The following CLN6 variants were observed in gnomAD, a reference collection of about 807,000 sequenced individuals.
The protein encoded by CLN6 is CLN6 transmembrane ER protein.
Under a neutral mutation model 33.3 loss-of-function variants are expected in CLN6, and 22 were observed. The observed-to-expected ratio is 0.66, with a 90% CI of 0.47 to 0.94. The LOEUF is 0.94. Among genes scored for constraint, CLN6 ranks in the 40% least tolerant of loss-of-function variants. The probability of loss-of-function intolerance (pLI) is 0.00; values close to 1 mark genes in which losing one functional copy is unlikely to be tolerated. For synonymous variants in CLN6, 201 were observed against 174.6 expected (o/e 1.15, Z -1.19); for missense variants, 387 against 417.1 (o/e 0.93, Z 0.63).
intron 1 of CLN6, among the ~76,000 whole-genome samples, chr15:68,252,042 C>T (rs1180287035): frequency 2.1e-5 from 3 of 142,264 alleles, no homozygotes; most frequent in South Asian, 2.2e-4. Flanking sequence ...GGCGTGATCT[C>T]GGCTCACCGC....
At chr15:68,255,956 G>C (rs1325312269) in intron 1 of CLN6, among the ~76,000 whole-genome samples, 1 of 151,846 alleles carries the variant, frequency 6.6e-6, no homozygotes, top group Non-Finnish European at 1.5e-5. Flanking sequence ...ACCATGCCTG[G>C]CTAATTAATT....
At position 68,241,689 on chromosome 15, in the gene CLN6, G is replaced by C. The variant is rs1892281466; in HGVS notation, c.179+15001C>G. On this transcript the variant is annotated intron_variant, in intron 1 of 6. Coordinates refer to the CLN6 transcript ENST00000538696. This position sits in a 1 kb window ranked among gnomAD's most constrained non-coding sequence, Gnocchi z 4.2. ...CTCGGCCAAAGAAGACACCAAATCAGAGTGGCTGTTAGCAGCACCACACTG... is the reference window on the plus strand; with the variant it reads ...CTCGGCCAAAGAAGACACCAAATCACAGTGGCTGTTAGCAGCACCACACTG... Among the ~76,000 whole-genome samples, 1 of 152,192 alleles carries C rather than the reference G, an allele frequency of 6.6e-6. No individual in the cohort carries two copies. Among genetic ancestry groups the C allele is most frequent in the African/African-American group, 2.4e-5 (1 of 41,450 alleles).
intron 1 of CLN6, among the ~76,000 whole-genome samples, chr15:68,250,604 G>A (rs887709176): frequency 7.4e-6 from 1 of 135,484 alleles, no homozygotes; most frequent in African/African-American, 2.8e-5. Flanking sequence ...CAGCCTGGGC[G>A]ACAGAGCGAG....
rs373287843 is a variant in CLN6, at chr15:68,219,560, A to C, written c.84-910T>G. On this transcript the variant is annotated intron_variant, in intron 1 of 6. Transcript: ENST00000249806. The surrounding 1 kb of genome is among the most constrained non-coding windows in gnomAD (Gnocchi z 4.2). ...ACAGATGCACTGAAGTTCCAGGACC[A>C]GTGCTGCCTCCTCTGGGAAGGCTTC... is the stretch of plus-strand genomic sequence containing the variant. Among the ~76,000 whole-genome samples the C allele has an allele frequency of 1.3e-5, 2 of 152,306 alleles. No individual in the cohort carries two copies. The highest frequency in any genetic ancestry group is 4.8e-5 in the African/African-American group (2 of 41,566).
At chr15:68,251,936 C>G in intron 1 of CLN6, among the ~76,000 whole-genome samples, 1 of 140,212 alleles carries the variant, frequency 7.1e-6, no homozygotes, top group South Asian at 2.4e-4. Context: ...CTAGCATGTG[C>G]GTGTGTATGT....
At chr15:68,229,930 C>T (rs2093265459), upstream of CLN6, among the ~76,000 whole-genome samples, 1 of 152,166 alleles carries the variant, frequency 6.6e-6, no homozygotes, top group Admixed American at 6.5e-5. Flanking sequence ...CCTTGCCTGC[C>T]TGGGTACGGG....
At chr15:68,238,931 AACAAATACTGGACAAT>A (rs1428739114) in intron 1 of CLN6, among the ~76,000 whole-genome samples, 3 of 152,208 alleles carry the variant, frequency 2.0e-5, no homozygotes, top group African/African-American at 7.2e-5. Context: ...AAAGGACAGA[AACAAATACTGGACAAT>A]AATATTTATA....
At position 68,208,147 on chromosome 15, in the gene CLN6, C is replaced by A; in HGVS notation, c.929G>T (p.Arg310Leu). The change falls in exon 7 of 7, where the codon CGG becomes CTG. Residue 310 changes from arginine to leucine, a missense_variant. Transcript: ENST00000249806. The surrounding 1 kb of genome is among the most constrained non-coding windows in gnomAD (Gnocchi z 5.8). ...GAGCCTGGTGCCAGGGACTCAGTGC[C>A]GACTGCTGACGTGAAGGGTGTAGAA... ...WAFYTLHVSS[R>L]H is the part of the protein sequence containing the mutation. 6.2e-7 allele frequency: 1 copy of A among 1,605,916 alleles called. No homozygotes were observed. Among genetic ancestry groups the A allele is most frequent in the South Asian group, 1.1e-5 (1 of 90,896 alleles).
At chr15:68,231,610 C>G (rs1454042302), upstream of CLN6, among the ~76,000 whole-genome samples, 10 of 152,386 alleles carry the variant, frequency 6.6e-5, 1 homozygote, top group East Asian at 1.9e-3. Context: ...ATGATGTCAT[C>G]ATCGATTTAA....
chr15:68,209,658 G>A lies in CLN6; in HGVS notation c.644C>T (p.Ala215Val). The change falls in exon 6 of 7, where the codon GCA (alanine) becomes GTA (valine). Residue 215 changes from alanine (A) to valine (V), a missense_variant. Coordinates refer to ENST00000249806, the MANE Select transcript of CLN6 (RefSeq NM_017882.3). The surrounding 1 kb of genome is among the most constrained non-coding windows in gnomAD (Gnocchi z 4.9). Reference sequence around the variant, plus strand: ...TCACCAGTAGTACAGGCCACTGGGTGCCACCAGGAGCAGGGCAGGCCCTGG... The same window carrying A: ...TCACCAGTAGTACAGGCCACTGGGTACCACCAGGAGCAGGGCAGGCCCTGG... ...LIPGPALLLV[A>V]PSGLYYWYLV... The A allele has an allele frequency of 6.2e-7, 1 of 1,613,282 alleles. No homozygotes were observed. The highest frequency in any genetic ancestry group is 8.5e-7 in the Non-Finnish European group (1 of 1,179,940).
At chr15:68,233,718 G>T (rs1196554839), upstream of CLN6, among the ~76,000 whole-genome samples, 1 of 152,198 alleles carries the variant, frequency 6.6e-6, no homozygotes, top group Non-Finnish European at 1.5e-5. This position sits in a 1 kb window ranked among gnomAD's most constrained non-coding sequence, Gnocchi z 4.3. Context: ...AGACGAAGTG[G>T]GACCAGGAAA....
chr15:68,229,467 GC>G, intron 1 of CLN6, 34 bp downstream of exon 1: 2 of 1,437,396 alleles, frequency 1.4e-6, no homozygotes, highest in Non-Finnish European at 1.8e-6. Context: ...GCGCACAGGC[GC>G]CTAGCCCGCC....
At chr15:68,229,470 T>C (rs2141156095) in intron 1 of CLN6, 32 bp downstream of exon 1, 3 of 1,443,976 alleles carry the variant, frequency 2.1e-6, no homozygotes, top group Middle Eastern at 4.9e-4. Flanking sequence ...CACAGGCGCC[T>C]AGCCCGCCCT....
At chr15:68,223,342 G>A (rs570486071) in intron 1 of CLN6, among the ~76,000 whole-genome samples, 1 of 152,246 alleles carries the variant, frequency 6.6e-6, no homozygotes, top group East Asian at 1.9e-4. Context: ...CGGGCGGCTC[G>A]ATCTTCAGAC....
chr15:68,216,803 T>C (rs553472763), intron 2 of CLN6, among the ~76,000 whole-genome samples: 14 of 152,328 alleles, frequency 9.2e-5, no homozygotes, highest in East Asian at 5.8e-4. Context: ...GCTGATTATA[T>C]CCCTACGGGC....
chr15:68,208,106 A>AGCCC lies in CLN6; in HGVS notation c.*33_*34insGGGC. ...GATGCCCTCCATGGCCCACCCTCCC[A>AGCCC]CCCAGCAGAGCGCCAGAGCCTGGTG... On this transcript the variant is annotated 3_prime_UTR_variant, in exon 7 of 7. Transcript: ENST00000249806. This position sits in a 1 kb window ranked among gnomAD's most constrained non-coding sequence, Gnocchi z 5.8. 2 of 441,332 alleles carry AGCCC rather than the reference A, an allele frequency of 4.5e-6. No homozygotes were observed. The highest frequency in any genetic ancestry group is 3.1e-5 in the Admixed American group (1 of 31,776). 27.3% of individuals were successfully genotyped at this position (441,332 alleles called of 1,614,324 possible). A position where few individuals can be genotyped will look rare whatever the true frequency, so the allele number is the denominator to read the frequency against.
At position 68,209,651 on chromosome 15, in the gene CLN6, A is replaced by C; in HGVS notation, c.651T>G (p.Ser217Arg). ...PGPALLLVAP[S>R]GLYYWYLVTE... The stretch of plus-strand genomic sequence containing the variant: ...TGTCCACTCACCAGTAGTACAGGCC[A>C]CTGGGTGCCACCAGGAGCAGGGCAG... The change falls in exon 6 of 7, where the codon AGT becomes AGG. Residue 217 changes from serine to arginine, a missense_variant. By Grantham distance (110) the Ser-to-Arg change is moderately radical. Coordinates refer to ENST00000249806, the MANE Select transcript of CLN6 (RefSeq NM_017882.3). This position sits in a 1 kb window ranked among gnomAD's most constrained non-coding sequence, Gnocchi z 4.9. The C allele has an allele frequency of 6.2e-7, 1 of 1,613,102 alleles. No individual in the cohort carries two copies. Among genetic ancestry groups the C allele is most frequent in the Non-Finnish European group, 8.5e-7 (1 of 1,179,906 alleles).
At chr15:68,225,151 A>T (rs2093248324) in intron 1 of CLN6, among the ~76,000 whole-genome samples, 1 of 152,212 alleles carries the variant, frequency 6.6e-6, no homozygotes, top group South Asian at 2.1e-4. Context: ...CAGAAAAAAA[A>T]CTAAGGAAAT....
At chr15:68,237,931 T>G (rs1320071839) in intron 1 of CLN6, among the ~76,000 whole-genome samples, 1 of 151,838 alleles carries the variant, frequency 6.6e-6, no homozygotes, top group East Asian at 1.9e-4. Flanking sequence ...GAGACCAGCC[T>G]GGCCAATATG....
Sources: allele counts gnomAD v4.1 joint callset (sites outside exome capture counted in the v4.1 genomes callset), GRCh38; gene constraint gnomAD v4.1.1; non-coding constraint Gnocchi (gnomAD v3.1); transcripts MANE v1.5; gene names NCBI Gene and HGNC (gene_info 2026-07-23, HGNC 2026-07-21).